Variants in SND1 observed in about 807,000 individuals in gnomAD.
The protein encoded by SND1 is staphylococcal nuclease and tudor domain containing 1, also known as staphylococcal nuclease domain-containing protein 1.
In SND1, 38 loss-of-function variants were observed where a neutral mutation model predicts 121.7. The observed-to-expected ratio is 0.31, with a 90% CI of 0.24 to 0.41. SND1 has a LOEUF of 0.41. SND1 is among the 10% of genes least tolerant of loss of function. The pLI is 1.00. For synonymous variants in SND1, 401 were observed against 447.4 expected, an observed-to-expected ratio of 0.90 and a Z score of 1.31; for missense variants, 868 against 1,184.6, an observed-to-expected ratio of 0.73 and a Z score of 3.92.
chr7:127,980,994 A>G (rs1802246460), intron 15 of SND1, among the ~76,000 whole-genome samples: 1 of 152,232 alleles, frequency 6.6e-6, no homozygotes, highest in Non-Finnish European at 1.5e-5. Flanking sequence ...TGATTTAAAG[A>G]TAAAGTCCTA....
chr7:128,049,300 G>A (rs1225507924), intron 16 of SND1, among the ~76,000 whole-genome samples: 1 of 152,038 alleles, frequency 6.6e-6, no homozygotes, highest in Non-Finnish European at 1.5e-5. Context: ...CTGTCTTCTG[G>A]TTAAAAGAAA....
intron 2 of SND1, among the ~76,000 whole-genome samples, chr7:127,691,025 T>C (rs1323394633): frequency 6.6e-6 from 1 of 152,194 alleles, no homozygotes; most frequent in Admixed American, 6.5e-5. Context: ...GCCTAGCTAC[T>C]CCAGGCAGCT....
At chr7:127,714,397 T>G (rs1034689670) in intron 9 of SND1, among the ~76,000 whole-genome samples, 6 of 152,206 alleles carry the variant, frequency 3.9e-5, no homozygotes, top group African/African-American at 1.4e-4. Flanking sequence ...TTTACCCTGA[T>G]AGTTTTTTGC....
At chr7:128,002,516 C>CTTA (rs768835037) in intron 16 of SND1, among the ~76,000 whole-genome samples, 12 of 152,280 alleles carry the variant, frequency 7.9e-5, no homozygotes, top group Admixed American at 2.0e-4. Flanking sequence ...TGGCTATGGA[C>CTTA]TGATAAGGTG....
At chr7:128,024,267 C>G (rs78953259) in intron 16 of SND1, among the ~76,000 whole-genome samples, 1 of 152,264 alleles carries the variant, frequency 6.6e-6, no homozygotes, top group Non-Finnish European at 1.5e-5. Context: ...CAAAAGCTGC[C>G]TTGCAGTTTA....
intron 12 of SND1, among the ~76,000 whole-genome samples, chr7:127,877,896 T>G (rs1317601235): frequency 6.6e-6 from 1 of 152,090 alleles, no homozygotes; most frequent in Non-Finnish European, 1.5e-5. Context: ...TCAATGGGTA[T>G]GTGCTGTAGG....
At chr7:127,734,178 C>T (rs1202735966) in intron 10 of SND1, among the ~76,000 whole-genome samples, 6 of 152,070 alleles carry the variant, frequency 3.9e-5, no homozygotes, top group Non-Finnish European at 8.8e-5. Flanking sequence ...TGAGATTCCC[C>T]GCTCCAGGTC....
At chr7:127,831,279 T>C (rs1408741499) in intron 11 of SND1, among the ~76,000 whole-genome samples, 1 of 152,224 alleles carries the variant, frequency 6.6e-6, no homozygotes, top group Admixed American at 6.5e-5. Context: ...GTGTTGGGTC[T>C]TAGTGAATGG....
At chr7:128,018,516 G>T (rs145106202) in intron 16 of SND1, among the ~76,000 whole-genome samples, 2 of 152,164 alleles carry the variant, frequency 1.3e-5, no homozygotes, top group African/African-American at 2.4e-5. Context: ...AAGAGGTTTG[G>T]GGGGAAATGA....
At chr7:128,031,551 C>T (rs1220605944) in intron 16 of SND1, 3 of 150,996 alleles carry the variant, frequency 2.0e-5, no homozygotes, top group Non-Finnish European at 3.0e-5. Flanking sequence ...GAGACAAAAA[C>T]GGGGGGTCAG....
intron 10 of SND1, among the ~76,000 whole-genome samples, chr7:127,800,394 T>G (rs1170781090): frequency 1.3e-5 from 2 of 152,232 alleles, no homozygotes; most frequent in Admixed American, 1.3e-4. Flanking sequence ...TGACCCTGTT[T>G]ATAGAACTTT....
chr7:127,675,562 T>C (rs1165297325), intron 1 of SND1, among the ~76,000 whole-genome samples: 3 of 152,204 alleles, frequency 2.0e-5, no homozygotes, highest in Admixed American at 2.0e-4. Flanking sequence ...GAAATGTTCC[T>C]TTCTGAAGGG....
intron 10 of SND1, among the ~76,000 whole-genome samples, chr7:127,796,357 G>A (rs1046206586): frequency 2.6e-5 from 4 of 152,036 alleles, no homozygotes; most frequent in Non-Finnish European, 4.4e-5. Context: ...ATAATCACAA[G>A]AAATAGAGTT....
At chr7:127,861,059 C>T (rs1197180589) in intron 12 of SND1, among the ~76,000 whole-genome samples, 4 of 152,180 alleles carry the variant, frequency 2.6e-5, no homozygotes, top group African/African-American at 4.8e-5. Flanking sequence ...TATGCTGATG[C>T]GCTTCTAGGT....
At chr7:128,088,253 T>C (rs1310035876) in intron 21 of SND1, among the ~76,000 whole-genome samples, 2 of 137,598 alleles carry the variant, frequency 1.5e-5, no homozygotes, top group Non-Finnish European at 1.5e-5. Context: ...AAAACCACCC[T>C]GGGCAACATA....
At chr7:127,920,517 A>G (rs542167659) in intron 14 of SND1, among the ~76,000 whole-genome samples, 1 of 152,302 alleles carries the variant, frequency 6.6e-6, no homozygotes, top group South Asian at 2.1e-4. Context: ...TTGTAAGACT[A>G]GTGTGTTGAG....
intron 12 of SND1, among the ~76,000 whole-genome samples, chr7:127,859,263 C>T (rs1045277077): frequency 6.6e-6 from 1 of 152,132 alleles, no homozygotes; most frequent in Non-Finnish European, 1.5e-5. Context: ...GCCACCCTTC[C>T]CCACCCCTAC....
intron 11 of SND1, among the ~76,000 whole-genome samples, chr7:127,821,890 T>C (rs1393477288): frequency 6.6e-6 from 1 of 152,216 alleles, no homozygotes; most frequent in Non-Finnish European, 1.5e-5. Flanking sequence ...TGGAAACAGG[T>C]TATTTTTTGA....
intron 13 of SND1, among the ~76,000 whole-genome samples, chr7:127,903,951 T>A (rs1800283683): frequency 6.6e-6 from 1 of 152,242 alleles, no homozygotes; most frequent in Non-Finnish European, 1.5e-5. Flanking sequence ...CCTGCTGATG[T>A]CTGCAGGCTG....
Sources: gnomAD v4.1 joint callset for allele counts (sites outside exome capture counted in the v4.1 genomes callset) on GRCh38, gnomAD v4.1.1 for gene constraint, MANE v1.5 for transcripts, NCBI Gene and HGNC (gene_info 2026-07-23, HGNC 2026-07-21) for gene names.